The following CSMD1 variants were observed in gnomAD, a reference collection of about 807,000 sequenced individuals.
CSMD1 encodes CUB and Sushi multiple domains 1.
In CSMD1, 213 loss-of-function variants were observed where a neutral mutation model predicts 417.5. The ratio of observed to expected loss-of-function variants is 0.51; its 90% CI spans 0.46 to 0.57. The LOEUF (loss-of-function observed/expected upper bound fraction) is 0.57, where lower values mean the gene tolerates loss of function less well. Ranked by LOEUF, CSMD1 falls within the 20% of genes least tolerant of loss-of-function variation. CSMD1 has a pLI of 0.00. For synonymous variants in CSMD1, 2,862 were observed against 1,736.8 expected, an observed-to-expected ratio of 1.65 and a Z score of -16.11; for missense variants, 6,923 against 4,529.7, an observed-to-expected ratio of 1.53 and a Z score of -15.17.
At chr8:3,532,399 T>C (rs1310855244) in intron 10 of CSMD1, among the ~76,000 whole-genome samples, 1 of 152,136 alleles carries the variant, frequency 6.6e-6, no homozygotes. Flanking sequence ...GTGAGGATGG[T>C]GAGCTAGAAG....
chr8:3,390,671 T>C (rs559421908), intron 17 of CSMD1, among the ~76,000 whole-genome samples: 48 of 152,146 alleles, frequency 3.2e-4, no homozygotes, highest in African/African-American at 1.1e-3. Context: ...TTTTTTTCAA[T>C]TGGTCTTTGC....
intron 6 of CSMD1, among the ~76,000 whole-genome samples, chr8:3,733,315 T>G (rs1455815986): frequency 1.4e-5 from 2 of 147,356 alleles, no homozygotes; most frequent in Non-Finnish European, 3.0e-5. Flanking sequence ...TACACATACA[T>G]ATATGTACAA....
intron 3 of CSMD1, among the ~76,000 whole-genome samples, chr8:4,134,525 A>C (rs377305266): frequency 6.6e-6 from 1 of 152,058 alleles, no homozygotes; most frequent in Non-Finnish European, 1.5e-5. Context: ...TGAGAAGATA[A>C]CTCTTGTTGT....
chr8:4,358,980 ACAC>A (rs1801596929), intron 3 of CSMD1, among the ~76,000 whole-genome samples: 1 of 152,124 alleles, frequency 6.6e-6, no homozygotes, highest in Admixed American at 6.5e-5. Flanking sequence ...ACACACACAC[ACAC>A]ATTTAAGTTG....
At chr8:3,889,193 G>A (rs191594325) in intron 5 of CSMD1, among the ~76,000 whole-genome samples, 3 of 151,554 alleles carry the variant, frequency 2.0e-5, no homozygotes. Context: ...ATTCGAACAA[G>A]ACTAACTTAG....
At chr8:2,965,203 G>A (rs764668789) in intron 59 of CSMD1, among the ~76,000 whole-genome samples, 3 of 152,132 alleles carry the variant, frequency 2.0e-5, no homozygotes, top group African/African-American at 4.8e-5. Context: ...CTGCTTTACT[G>A]AAGCCACCTT....
chr8:3,552,485 CCTTT>C (rs1223678377), intron 10 of CSMD1, among the ~76,000 whole-genome samples: 3 of 152,082 alleles, frequency 2.0e-5, no homozygotes, highest in Non-Finnish European at 4.4e-5. Flanking sequence ...GTGATAACTG[CCTTT>C]CTATCTCAGA....
intron 1 of CSMD1, among the ~76,000 whole-genome samples, chr8:4,646,462 A>G (rs954596814): frequency 2.6e-5 from 4 of 152,188 alleles, no homozygotes; most frequent in Non-Finnish European, 4.4e-5. Flanking sequence ...TAAGTAGTGC[A>G]TTTAAACTCT....
chr8:3,786,376 T>C (rs772456954), intron 5 of CSMD1, among the ~76,000 whole-genome samples: 5 of 151,944 alleles, frequency 3.3e-5, no homozygotes, highest in African/African-American at 9.7e-5. Flanking sequence ...TTTAGGGAGA[T>C]ACTAGAGTGA....
At chr8:4,516,870 C>G (rs370924105) in intron 2 of CSMD1, among the ~76,000 whole-genome samples, 3 of 151,940 alleles carry the variant, frequency 2.0e-5, no homozygotes, top group East Asian at 3.8e-4. Context: ...TTTATACTAG[C>G]TCTAGGGTGA....
At chr8:3,194,730 A>G (rs1353370068) in intron 33 of CSMD1, among the ~76,000 whole-genome samples, 1 of 151,348 alleles carries the variant, frequency 6.6e-6, no homozygotes, top group Admixed American at 6.6e-5. Flanking sequence ...TTGGCCTCCC[A>G]AAGTGCTAGG....
chr8:4,300,713 T>C (rs894556756), intron 3 of CSMD1, among the ~76,000 whole-genome samples: 4 of 152,068 alleles, frequency 2.6e-5, no homozygotes, highest in East Asian at 1.9e-4. Flanking sequence ...GTCCCCGGAG[T>C]GTGATGTTCC....
At chr8:4,323,146 T>C (rs1007396531) in intron 3 of CSMD1, among the ~76,000 whole-genome samples, 1 of 152,220 alleles carries the variant, frequency 6.6e-6, no homozygotes, top group Non-Finnish European at 1.5e-5. Context: ...TGTTTCCTCA[T>C]TTGTACAATG....
intron 11 of CSMD1, among the ~76,000 whole-genome samples, chr8:3,482,401 G>A (rs1817800206): frequency 2.6e-5 from 4 of 152,018 alleles, no homozygotes; most frequent in Non-Finnish European, 1.5e-5. Context: ...TAGACTTAAG[G>A]CAAATAAAAG....
rs750616974 is a variant in CSMD1 at position 3,307,691 on chromosome 8, G to A, written c.3950+4C>T. ...AATCACTGAAACCAAAATAAAACAAGTACCTAATGGTCTTTCCTGGGTCTG... is the reference window on the plus strand; with the variant it reads ...AATCACTGAAACCAAAATAAAACAAATACCTAATGGTCTTTCCTGGGTCTG... On this transcript the variant is annotated splice_donor_region_variant and intron_variant, in intron 25 of 69. Transcript: ENST00000635120. The A allele has an allele frequency of 1.2e-6, 2 of 1,612,282 alleles. No individual in the cohort carries two copies. Among genetic ancestry groups the A allele is most frequent in the South Asian group, 2.2e-5 (2 of 90,830 alleles).
At chr8:3,786,009 G>T (rs1006391819) in intron 5 of CSMD1, among the ~76,000 whole-genome samples, 1 of 152,174 alleles carries the variant, frequency 6.6e-6, no homozygotes, top group African/African-American at 2.4e-5. Context: ...TGGGCTGGTG[G>T]GCATTGGGGT....
At chr8:4,518,416 G>A (rs375366935) in intron 2 of CSMD1, among the ~76,000 whole-genome samples, 1 of 152,092 alleles carries the variant, frequency 6.6e-6, no homozygotes, top group Non-Finnish European at 1.5e-5. Context: ...CTAATTTTTT[G>A]ACTGTGTGAG....
intron 3 of CSMD1, among the ~76,000 whole-genome samples, chr8:4,252,384 G>T (rs532492033): frequency 6.6e-6 from 1 of 152,130 alleles, no homozygotes; most frequent in African/African-American, 2.4e-5. Flanking sequence ...GTTATGTATT[G>T]TCTTTTTCCA....
chr8:4,161,101 G>C (rs977609089), intron 3 of CSMD1, among the ~76,000 whole-genome samples: 7 of 141,302 alleles, frequency 5.0e-5, no homozygotes, highest in Non-Finnish European at 9.2e-5. Flanking sequence ...TACATTTCCA[G>C]GAAATATAAA....
Sources: gnomAD v4.1 joint callset for allele counts (sites outside exome capture counted in the v4.1 genomes callset) on GRCh38, gnomAD v4.1.1 for gene constraint, MANE v1.5 for transcripts, NCBI Gene and HGNC (gene_info 2026-07-23, HGNC 2026-07-21) for gene names.